The following RIMS4 variants were observed in gnomAD, a reference collection of about 807,000 sequenced individuals.
RIMS4 encodes regulating synaptic membrane exocytosis protein 4.
A neutral mutation model predicts 29.0 loss-of-function variants in RIMS4; 9 were observed. The ratio of observed to expected loss-of-function variants is 0.31; its 90% CI spans 0.19 to 0.54. The LOEUF (loss-of-function observed/expected upper bound fraction) is 0.54, where lower values mean the gene tolerates loss of function less well. RIMS4 is among the 20% of genes least tolerant of loss of function. The pLI, the probability that RIMS4 is intolerant of heterozygous loss-of-function variation, is 0.94. For synonymous variants in RIMS4, 130 were observed against 152.9 expected (o/e 0.85, Z 1.10); for missense variants, 193 against 365.7 (o/e 0.53, Z 3.85).
chr20:44,798,992 G>A (rs1351320255), intron 1 of RIMS4, among the ~76,000 whole-genome samples: 1 of 152,224 alleles, frequency 6.6e-6, no homozygotes, highest in African/African-American at 2.4e-5. Flanking sequence ...AAAGTCCAGA[G>A]AAGAAGGTAC....
intron 1 of RIMS4, among the ~76,000 whole-genome samples, chr20:44,805,252 G>A (rs908676556): frequency 7.9e-5 from 12 of 152,126 alleles, no homozygotes; most frequent in African/African-American, 2.9e-4. Context: ...ATGGCAGCGA[G>A]CTGAGATCGC....
In RIMS4 at chr20:44,755,906, C is replaced by T. The variant is rs1243819983; in HGVS notation, c.*228G>A. 2.3e-5 allele frequency: 12 copies of T among 521,712 alleles called. No individual in the cohort carries two copies. In the Admixed American group the frequency reaches 2.5e-4, roughly 11 times the overall value. The allele number at this position is 521,712 out of a possible 1,614,324, so 32.3% of individuals were successfully genotyped here. On this transcript the variant is annotated 3_prime_UTR_variant, in exon 6 of 6. Transcript: ENST00000372851. ...CAGCCACATCCACCAGGTCAAGAAC[C>T]GGCCAAGTCAAAAGTGTAGCCAATC...
intron 3 of RIMS4, 145 bp downstream of exon 3, chr20:44,757,927 G>A: frequency 2.2e-6 from 2 of 916,976 alleles, no homozygotes; most frequent in South Asian, 1.5e-5. Flanking sequence ...AGGCTCTGCT[G>A]AGGGCTTGAG....
At chr20:44,781,633 C>T (rs987535305) in intron 1 of RIMS4, among the ~76,000 whole-genome samples, 2 of 152,036 alleles carry the variant, frequency 1.3e-5, no homozygotes, top group South Asian at 2.1e-4. Context: ...CTATGCTGAG[C>T]AGGGGTGGTC....
At chr20:44,777,152 C>T (rs2066163714) in intron 1 of RIMS4, among the ~76,000 whole-genome samples, 2 of 152,196 alleles carry the variant, frequency 1.3e-5, no homozygotes. Context: ...TCAGTGTTTA[C>T]AGCGTGAGCT....
chr20:44,784,204 C>A (rs1601034500), intron 1 of RIMS4, among the ~76,000 whole-genome samples: 1 of 152,180 alleles, frequency 6.6e-6, no homozygotes, highest in Admixed American at 6.5e-5. Context: ...CACATGTGCA[C>A]ATGTATCCCC....
At chr20:44,766,271 G>C (rs1400074825) in intron 2 of RIMS4, among the ~76,000 whole-genome samples, 1 of 152,186 alleles carries the variant, frequency 6.6e-6, no homozygotes, top group Non-Finnish European at 1.5e-5. Context: ...TCAATTACTG[G>C]TGTTGGCACA....
At chr20:44,786,165 T>C (rs749002464) in intron 1 of RIMS4, among the ~76,000 whole-genome samples, 1 of 152,218 alleles carries the variant, frequency 6.6e-6, no homozygotes, top group Non-Finnish European at 1.5e-5. Context: ...GAGGACAGCA[T>C]GTCCTTGTGC....
At chr20:44,787,638 T>C (rs1487542532) in intron 1 of RIMS4, among the ~76,000 whole-genome samples, 3 of 150,988 alleles carry the variant, frequency 2.0e-5, no homozygotes, top group African/African-American at 7.3e-5. Flanking sequence ...TCTTTTGGAC[T>C]CCTTTGAAAA....
chr20:44,759,509 T>G (rs886614529), intron 2 of RIMS4, among the ~76,000 whole-genome samples: 3 of 152,178 alleles, frequency 2.0e-5, no homozygotes, highest in African/African-American at 7.2e-5. Context: ...TCCACCCACC[T>G]CGACCTCCCA....
At chr20:44,796,712 C>A (rs564932792) in intron 1 of RIMS4, among the ~76,000 whole-genome samples, 1 of 152,150 alleles carries the variant, frequency 6.6e-6, no homozygotes, top group African/African-American at 2.4e-5. Context: ...ACATCAGGCA[C>A]CCCAGCTGAG....
At chr20:44,801,996 C>T (rs958698955) in intron 1 of RIMS4, among the ~76,000 whole-genome samples, 3 of 152,268 alleles carry the variant, frequency 2.0e-5, no homozygotes, top group Admixed American at 2.0e-4. Flanking sequence ...CACGTGGGAA[C>T]TTGTTAGCAA....
intron 2 of RIMS4, among the ~76,000 whole-genome samples, chr20:44,767,964 T>G (rs895524643): frequency 6.6e-6 from 1 of 152,162 alleles, no homozygotes; most frequent in African/African-American, 2.4e-5. Context: ...TCTGCATATT[T>G]AACAAGCTCC....
At chr20:44,794,443 A>AT (rs1227729217) in intron 1 of RIMS4, among the ~76,000 whole-genome samples, 3 of 152,076 alleles carry the variant, frequency 2.0e-5, no homozygotes, top group Admixed American at 6.6e-5. Flanking sequence ...GTTTTCCTGT[A>AT]TTTTTTTATT....
intron 1 of RIMS4, among the ~76,000 whole-genome samples, chr20:44,780,750 T>C (rs2066180497): frequency 6.6e-6 from 1 of 151,222 alleles, no homozygotes; most frequent in African/African-American, 2.4e-5. Flanking sequence ...TTTTTGCCCT[T>C]TACGCTGCTC....
intron 1 of RIMS4, among the ~76,000 whole-genome samples, chr20:44,793,885 C>T (rs2066243559): frequency 6.6e-6 from 1 of 152,068 alleles, no homozygotes; most frequent in Non-Finnish European, 1.5e-5. Flanking sequence ...GCCTGGGCAA[C>T]ATAGCGAGAT....
Position 44,808,160 on chromosome 20 carries a change from C to T in RIMS4, c.97+2015G>A, listed in dbSNP as rs562127139. 2.6e-5 allele frequency among the ~76,000 whole-genome samples: 4 copies of T among 152,112 alleles called. No homozygotes were observed. The South Asian group carries it at 6.2e-4, about 24-fold the overall frequency. On this transcript the variant is annotated intron_variant, in intron 1 of 5. Transcript: ENST00000372851. The stretch of plus-strand genomic sequence containing the variant: ...ACAAACACTCACACAAATACACACA[C>T]ACCCCCATCCATTTGCGGGCAAAAA...
chr20:44,783,412 C>G (rs532025144), intron 1 of RIMS4, among the ~76,000 whole-genome samples: 1 of 152,260 alleles, frequency 6.6e-6, no homozygotes, highest in Admixed American at 6.5e-5. Flanking sequence ...CACCTGAGGT[C>G]GGGAGTTTGA....
chr20:44,808,072 A>ATG lies in RIMS4; in HGVS notation c.97+2101_97+2102dup, dbSNP rs200305348. Among the ~76,000 whole-genome samples the ATG allele has an allele frequency of 6.9e-4, 101 of 147,214 alleles. 3 individuals are homozygous for ATG. In the East Asian group the frequency reaches 7.6e-3, roughly 11 times the overall value. Reference sequence around the variant, plus strand: ...CTCACTAGATGACCTTGGCATATATATGTGTGTGTGTATATATATATATAT... The same window carrying ATG: ...CTCACTAGATGACCTTGGCATATATATGTGTGTGTGTGTATATATATATATAT... On this transcript the variant is annotated intron_variant, in intron 1 of 5. Transcript: ENST00000372851.
Sources: gnomAD v4.1 joint callset for allele counts (sites outside exome capture counted in the v4.1 genomes callset) on GRCh38, gnomAD v4.1.1 for gene constraint, MANE v1.5 for transcripts, NCBI Gene and HGNC (gene_info 2026-07-23, HGNC 2026-07-21) for gene names.